The following CD22 variants were observed in gnomAD, a reference collection of about 807,000 sequenced individuals.
The protein encoded by CD22 is B-cell receptor CD22.
In CD22, 51 loss-of-function variants were observed where a neutral mutation model predicts 94.7. The observed-to-expected ratio is 0.54, with a 90% CI of 0.43 to 0.68. CD22 has a LOEUF of 0.68. Among genes scored for constraint, CD22 ranks in the 30% least tolerant of loss-of-function variants. The pLI, the probability that CD22 is intolerant of heterozygous loss-of-function variation, is 0.00. For synonymous variants in CD22, 424 were observed against 422.5 expected (o/e 1.00, Z -0.04); for missense variants, 931 against 1,060.4 (o/e 0.88, Z 1.69).
intron 11 of CD22, 38 bp downstream of exon 11, chr19:35,345,164 TC>T (rs2066883056): frequency 6.3e-7 from 1 of 1,586,436 alleles, no homozygotes; most frequent in Non-Finnish European, 8.7e-7. Context: ...ATGCCTGTAA[TC>T]CCAGCACTTT....
At chr19:35,335,953 A>G in intron 3 of CD22, 83 bp from the exon 4 acceptor site, 1 of 1,187,586 alleles carries the variant, frequency 8.4e-7, no homozygotes, top group Non-Finnish European at 1.2e-6. Flanking sequence ...CTGAGGGGTG[A>G]TTTGGGACAG....
intron 3 of CD22, 189 bp downstream of exon 3, chr19:35,333,113 C>T (rs1375405485): frequency 3.5e-6 from 2 of 576,262 alleles, no homozygotes; most frequent in Non-Finnish European, 6.0e-6. Flanking sequence ...CCCATCTGAC[C>T]CTCAGTTCCT....
chr19:35,346,806 A>ACACACACACG lies in CD22; in HGVS notation c.*118_*119insGCACACACAC, dbSNP rs2066916181. 1 of 930,932 alleles carries ACACACACACG rather than the reference A, an allele frequency of 1.1e-6. No individual in the cohort carries two copies. Among genetic ancestry groups the ACACACACACG allele is most frequent in the Admixed American group, 2.6e-5 (1 of 38,552 alleles). 57.7% of individuals were successfully genotyped at this position (930,932 alleles called of 1,614,324 possible). On this transcript the variant is annotated 3_prime_UTR_variant, in exon 14 of 14. Transcript: ENST00000085219. ...TCCTCCTGCGCGCATGTGCGCACAC[A>ACACACACACG]CACACACACACGCACACACACACAC... is the stretch of plus-strand genomic sequence containing the variant.
chr19:35,332,342 T>A (rs2066657357), intron 2 of CD22: 1 of 654,862 alleles, frequency 1.5e-6, no homozygotes, highest in Non-Finnish European at 2.5e-6. Flanking sequence ...CTGGGTGCAG[T>A]GGCTCATGCC....
In CD22 at chr19:35,344,810, C is replaced by T. The variant is rs762276282; in HGVS notation, c.2036-19C>T. 1 of 1,578,022 alleles carries T rather than the reference C, an allele frequency of 6.3e-7. No homozygotes were observed. The highest frequency in any genetic ancestry group is 8.7e-7 in the Non-Finnish European group (1 of 1,154,488). On this transcript the variant is annotated intron_variant, in intron 9 of 13. Coordinates refer to ENST00000085219, the MANE Select transcript of CD22 (RefSeq NM_001771.4). Reference sequence around the variant, plus strand: ...AGCTGGCCCCTCAGTTGATTAAGGTCTCTCCTTTCTCCACCCAGATAGCCC... The same window carrying T: ...AGCTGGCCCCTCAGTTGATTAAGGTTTCTCCTTTCTCCACCCAGATAGCCC...
intron 1 of CD22, 121 bp from the exon 2 acceptor site, chr19:35,331,898 G>A: frequency 1.3e-6 from 2 of 1,557,694 alleles, no homozygotes; most frequent in Non-Finnish European, 8.7e-7. Context: ...TCCCCATAAT[G>A]CAACCAGACC....
rs1189508603 is a variant in CD22 at position 35,337,212 on chromosome 19, C to G, written c.719-543C>G. Among the ~76,000 whole-genome samples the G allele has an allele frequency of 1.3e-5, 2 of 151,726 alleles. No homozygotes were observed. The highest frequency in any genetic ancestry group is 2.9e-5 in the Non-Finnish European group (2 of 67,976). ...TGAGATCGCACCACTGCACTCCAAC[C>G]TGGGTGACGAGTGAGACTCCATCTC... On this transcript the variant is annotated intron_variant, in intron 4 of 13. Transcript: ENST00000085219. This position sits in a 1 kb window ranked among gnomAD's most constrained non-coding sequence, Gnocchi z 4.4.
At chr19:35,333,841 C>T (rs2066680265) in intron 3 of CD22, among the ~76,000 whole-genome samples, 2 of 152,322 alleles carry the variant, frequency 1.3e-5, no homozygotes, top group South Asian at 4.1e-4. Context: ...TGAGTCACCG[C>T]ACCCGGCCTG....
chr19:35,342,360 G>T (rs1265067913), intron 9 of CD22, among the ~76,000 whole-genome samples: 3 of 151,926 alleles, frequency 2.0e-5, no homozygotes, highest in Admixed American at 6.6e-5. Flanking sequence ...GTAGAGATGG[G>T]GTCTTACTAT....
At chr19:35,333,629 C>A (rs146898609) in intron 3 of CD22, among the ~76,000 whole-genome samples, 3 of 152,286 alleles carry the variant, frequency 2.0e-5, no homozygotes, top group African/African-American at 4.8e-5. Flanking sequence ...GCGATCTCAG[C>A]TCACTGCAGC....
In CD22 at chr19:35,332,612, G is replaced by T; in HGVS notation, c.100G>T (p.Ala34Ser). ...TTTTGAGCACCCTGAAACCCTCTACGCCTGGGAGGGGGCCTGCGTCTGGAT... is the reference window on the plus strand; with the variant it reads ...TTTTGAGCACCCTGAAACCCTCTACTCCTGGGAGGGGGCCTGCGTCTGGAT... Reference protein sequence around the residue: ...WVFEHPETLYAWEGACVWIPC... With the variant: ...WVFEHPETLYSWEGACVWIPC... Residue 34 changes from alanine to serine, a missense_variant, in exon 3 of 14, where the codon GCC becomes TCC. Transcript: ENST00000085219. 6.2e-7 allele frequency: 1 copy of T among 1,614,060 alleles called. No homozygotes were observed. The highest frequency in any genetic ancestry group is 8.5e-7 in the Non-Finnish European group (1 of 1,179,974).
chr19:35,345,533 C>A, intron 11 of CD22, 69 bp from the exon 12 acceptor site: 1 of 953,224 alleles, frequency 1.0e-6, no homozygotes, highest in Non-Finnish European at 1.7e-6. Flanking sequence ...CCTGGGCTGT[C>A]AGAGGCCAGG....
At chr19:35,335,984 C>T (rs1164825246) in intron 3 of CD22, 52 bp from the exon 4 acceptor site, 16 of 1,507,690 alleles carry the variant, frequency 1.1e-5, no homozygotes, top group East Asian at 9.1e-5. Flanking sequence ...GCCAGGTGTA[C>T]GCTCACGTCC....
rs568326387 is a variant in CD22, at chr19:35,337,507, C to G, written c.719-248C>G. ...GGGATTCTATGCAAAGCACAGAACC[C>G]GCTCGTGGTTTCCAGCAGGATTGGC... On this transcript the variant is annotated intron_variant, in intron 4 of 13. Coordinates refer to ENST00000085219, the MANE Select transcript of CD22 (RefSeq NM_001771.4). This position sits in a 1 kb window ranked among gnomAD's most constrained non-coding sequence, Gnocchi z 4.4. Among the ~76,000 whole-genome samples, 1 of 152,074 alleles carries G rather than the reference C, an allele frequency of 6.6e-6. No homozygotes were observed. Among genetic ancestry groups the G allele is most frequent in the East Asian group, 1.9e-4 (1 of 5,178 alleles).
chr19:35,341,329 C>G lies in CD22; in HGVS notation c.1508-14C>G. ...AGGGAGCGGAGAGGTCAGCTTGGGA[C>G]CCTTGCCCTCCAGATGCCCCCCGAG... On this transcript the variant is annotated splice_polypyrimidine_tract_variant and intron_variant, in intron 7 of 13. Coordinates refer to ENST00000085219, the MANE Select transcript of CD22 (RefSeq NM_001771.4). This position sits in a 1 kb window ranked among gnomAD's most constrained non-coding sequence, Gnocchi z 4.0. The G allele has an allele frequency of 6.2e-7, 1 of 1,612,186 alleles. No homozygotes were observed. The highest frequency in any genetic ancestry group is 8.5e-7 in the Non-Finnish European group (1 of 1,178,752).
At position 35,332,457 on chromosome 19, in the gene CD22, A is replaced by C. The variant is rs746602958; in HGVS notation, c.35-90A>C. The C allele has an allele frequency of 7.2e-4, 969 of 1,344,992 alleles. 1 individual carries two copies. Among genetic ancestry groups the C allele is most frequent in the Non-Finnish European group, 8.9e-4 (903 of 1,010,230 alleles). The allele number at this position is 1,344,992 out of a possible 1,614,324, so 83.3% of individuals were successfully genotyped here. A position where few individuals can be genotyped will look rare whatever the true frequency, so the allele number is the denominator to read the frequency against. On this transcript the variant is annotated intron_variant, in intron 2 of 13. Coordinates refer to ENST00000085219, the MANE Select transcript of CD22 (RefSeq NM_001771.4). ...CAAGACCCCTATCTCTAAAAAGAAT[A>C]AAAAATTAAACAAATTTTAAAATAA...
chr19:35,331,837 ACT>A (rs2066649360), intron 1 of CD22, 180 bp from the exon 2 acceptor site: 1 of 1,225,122 alleles, frequency 8.2e-7, no homozygotes, highest in African/African-American at 1.5e-5. Flanking sequence ...ACAGAGCAAG[ACT>A]CTGTCTCAAA....
intron 3 of CD22, 71 bp from the exon 4 acceptor site, chr19:35,335,965 A>C (rs2066717259): frequency 7.6e-7 from 1 of 1,309,682 alleles, no homozygotes. Flanking sequence ...TTGGGACAGG[A>C]CATCTAAAGC....
Position 35,338,011 on chromosome 19 carries a change from G to A in CD22, c.975G>A (p.Leu325=), listed in dbSNP as rs145621000. 4 of 1,610,320 alleles carry A rather than the reference G, an allele frequency of 2.5e-6. No homozygotes were observed. In the African/African-American group the frequency reaches 4.0e-5, roughly 16 times the overall value. ...CGGGAAGGTCGGAAGAAGTGTTCCT[G>A]CAAGTGCAGTGTGAGCCCCTCGGAG... The part of the protein sequence containing the change: ...VGPGRSEEVF[L]QVQYAPEPST... The change falls in exon 5 of 14, where the codon CTG becomes CTA. Residue 325 remains leucine, a synonymous_variant. Transcript: ENST00000085219.
Sources: allele counts gnomAD v4.1 joint callset (sites outside exome capture counted in the v4.1 genomes callset), GRCh38; gene constraint gnomAD v4.1.1; non-coding constraint Gnocchi (gnomAD v3.1); transcripts MANE v1.5; gene names NCBI Gene and HGNC (gene_info 2026-07-23, HGNC 2026-07-21).